TIAL1: variants seen among roughly 807,000 people sequenced by gnomAD.
TIAL1 encodes TIA1 cytotoxic granule associated RNA binding protein like 1, also known as nucleolysin TIAR.
Under a neutral mutation model 59.7 loss-of-function variants are expected in TIAL1, and 7 were observed. The observed-to-expected ratio is 0.12, with a 90% CI of 0.07 to 0.22. The LOEUF is 0.22. Ranked by LOEUF, TIAL1 falls within the 10% of genes least tolerant of loss-of-function variation. The probability of loss-of-function intolerance (pLI) is 1.00; values close to 1 mark genes in which losing one functional copy is unlikely to be tolerated. For synonymous variants in TIAL1, 149 were observed against 146.3 expected (o/e 1.02, Z -0.13); for missense variants, 225 against 462.5 (o/e 0.49, Z 4.71).
At chr10:119,594,963 G>A (rs1278237639) in intron 1 of TIAL1, among the ~76,000 whole-genome samples, 2 of 152,136 alleles carry the variant, frequency 1.3e-5, no homozygotes, top group Non-Finnish European at 2.9e-5. Flanking sequence ...CTTTCTTCTA[G>A]GGAGAGAAGG....
intron 1 of TIAL1, chr10:119,593,584 G>A: frequency 2.4e-5 from 18 of 747,452 alleles, no homozygotes; most frequent in Non-Finnish European, 2.9e-5. Context: ...GCTTTGTTAA[G>A]AACACATTCT....
chr10:119,583,594 T>C (rs1001888336), intron 2 of TIAL1, among the ~76,000 whole-genome samples: 10 of 152,208 alleles, frequency 6.6e-5, no homozygotes, highest in African/African-American at 2.4e-4. Flanking sequence ...ATTTAAAATG[T>C]GGAATTCTAG....
At chr10:119,590,579 G>A (rs944659298) in intron 1 of TIAL1, among the ~76,000 whole-genome samples, 6 of 152,022 alleles carry the variant, frequency 3.9e-5, no homozygotes, top group East Asian at 3.9e-4. Context: ...GCATGGTGGC[G>A]CGCACCTATA....
chr10:119,582,650 A>C lies in TIAL1; in HGVS notation c.130-93T>G. The C allele has an allele frequency of 1.3e-6, 2 of 1,567,640 alleles. No individual in the cohort carries two copies. ...GGAAAAAACATTACTGATAGCTGGG[A>C]ATATACAAGGTGAGACTGCATAAGC... On this transcript the variant is annotated intron_variant, in intron 2 of 11. Transcript: ENST00000436547. This position sits in a 1 kb window ranked among gnomAD's most constrained non-coding sequence, Gnocchi z 5.1.
chr10:119,577,245 A>G (rs554012354), intron 9 of TIAL1, 42 bp from the exon 10 acceptor site: 22 of 1,567,870 alleles, frequency 1.4e-5, no homozygotes, highest in Non-Finnish European at 1.9e-5. Context: ...TTATTTTTTA[A>G]GAACCTAACA....
At chr10:119,581,819 A>C in intron 5 of TIAL1, 103 bp downstream of exon 5, 3 of 903,280 alleles carry the variant, frequency 3.3e-6, no homozygotes, top group South Asian at 1.8e-5. Context: ...GAAACAAAAC[A>C]AAACCATACT....
intron 1 of TIAL1, among the ~76,000 whole-genome samples, chr10:119,592,852 C>T (rs1589886527): frequency 6.6e-6 from 1 of 152,182 alleles, no homozygotes; most frequent in East Asian, 1.9e-4. Flanking sequence ...GAATGAGGGG[C>T]TTGATTATAG....
At chr10:119,587,976 T>C (rs1250492882) in intron 2 of TIAL1, among the ~76,000 whole-genome samples, 176 bp downstream of exon 2, 1 of 152,226 alleles carries the variant, frequency 6.6e-6, no homozygotes, top group South Asian at 2.1e-4. Flanking sequence ...ACGGAAACTT[T>C]GCCCTCTTAA....
chr10:119,594,254 A>G (rs1052579163), intron 1 of TIAL1, among the ~76,000 whole-genome samples: 2 of 152,246 alleles, frequency 1.3e-5, no homozygotes, highest in Non-Finnish European at 2.9e-5. Context: ...ACAAGAGATT[A>G]GAGAAGGTAG....
chr10:119,596,468 T>C lies in TIAL1; in HGVS notation c.-3A>G. 1 of 1,290,482 alleles carries C rather than the reference T, an allele frequency of 7.7e-7. No individual in the cohort carries two copies. The highest frequency in any genetic ancestry group is 1.0e-6 in the Non-Finnish European group (1 of 993,610). 79.9% of individuals were successfully genotyped at this position (1,290,482 alleles called of 1,614,324 possible). On this transcript the variant is annotated 5_prime_UTR_variant, in exon 1 of 12. Transcript: ENST00000436547. The stretch of plus-strand genomic sequence containing the variant: ...GGCTGCCCGTCGTCTTCCATCATGG[T>C]GGGTGCGACGGAGCGATCCCGGGAC...
intron 1 of TIAL1, among the ~76,000 whole-genome samples, chr10:119,594,578 T>C (rs146696189): frequency 1.3e-4 from 20 of 152,284 alleles, no homozygotes; most frequent in Admixed American, 3.9e-4. Context: ...AAAGTACACA[T>C]TGTAACTCAA....
chr10:119,576,886 G>GTT (rs1845020461), intron 10 of TIAL1, 136 bp from the exon 11 acceptor site: 1 of 1,373,490 alleles, frequency 7.3e-7, no homozygotes. Context: ...CATTGTCTAA[G>GTT]TTTATTGGGG....
rs1846226976 is a variant in TIAL1 at position 119,596,783 on chromosome 10, A to G, written c.-318T>C. On this transcript the variant is annotated 5_prime_UTR_variant, in exon 1 of 12. Transcript: ENST00000436547. ...CTGCAAGGGGGACGACCGAGGGGAG[A>G]GAAAAAAGGGCCGCCGAGGAAACCC... 1 of 417,700 alleles carries G rather than the reference A, an allele frequency of 2.4e-6. No homozygotes were observed. Among genetic ancestry groups the G allele is most frequent in the Non-Finnish European group, 4.4e-6 (1 of 229,750 alleles). 25.9% of individuals were successfully genotyped at this position (417,700 alleles called of 1,614,324 possible).
Position 119,579,798 on chromosome 10 carries a change from T to A in TIAL1, c.447+137A>T, listed in dbSNP as rs1453895539. 9.1e-5 allele frequency: 54 copies of A among 595,846 alleles called. No individual in the cohort carries two copies. The Admixed American group carries it at 2.0e-3, about 22-fold the overall frequency. 36.9% of individuals were successfully genotyped at this position (595,846 alleles called of 1,614,324 possible). A position where few individuals can be genotyped will look rare whatever the true frequency, so the allele number is the denominator to read the frequency against. On this transcript the variant is annotated intron_variant, in intron 6 of 11. Transcript: ENST00000436547. ...GAGGAATGAAATTATACTCTATTAT[T>A]AAAACATACATAACATTACATAAAA...
chr10:119,583,825 C>T (rs976395422), intron 2 of TIAL1, among the ~76,000 whole-genome samples: 1 of 152,094 alleles, frequency 6.6e-6, no homozygotes. Flanking sequence ...GTTGTAGCCA[C>T]GTGAATGCTG....
At chr10:119,592,760 TTC>T (rs934469455) in intron 1 of TIAL1, among the ~76,000 whole-genome samples, 3 of 115,288 alleles carry the variant, frequency 2.6e-5, no homozygotes, top group South Asian at 3.7e-4. Context: ...ATATGAGATA[TTC>T]TCACACACAC....
chr10:119,573,619 T>TA lies in TIAL1; in HGVS notation c.*2045dup, dbSNP rs558082800. Reference sequence around the variant, plus strand: ...AGGCATACTAAGCATTTTTATCAATTAAAAAAAGTCTTCAGTTGTTCAAGT... The same window carrying TA: ...AGGCATACTAAGCATTTTTATCAATTAAAAAAAAGTCTTCAGTTGTTCAAGT... On this transcript the variant is annotated 3_prime_UTR_variant, in exon 12 of 12. Coordinates refer to ENST00000436547, the MANE Select transcript of TIAL1 (RefSeq NM_003252.4). 6.6e-6 allele frequency: 1 copy of TA among 152,510 alleles called. No individual in the cohort carries two copies. The highest frequency in any genetic ancestry group is 2.4e-5 in the African/African-American group (1 of 41,400). 9.4% of individuals were successfully genotyped at this position (152,510 alleles called of 1,614,324 possible). A position where few individuals can be genotyped will look rare whatever the true frequency, so the allele number is the denominator to read the frequency against.
chr10:119,592,873 G>C (rs1845958250), intron 1 of TIAL1, among the ~76,000 whole-genome samples: 1 of 152,038 alleles, frequency 6.6e-6, no homozygotes, highest in African/African-American at 2.4e-5. Context: ...CCACAGTATA[G>C]CCAAATCCAT....
chr10:119,590,648 T>C (rs985137164), intron 1 of TIAL1, among the ~76,000 whole-genome samples: 1 of 151,924 alleles, frequency 6.6e-6, no homozygotes, highest in African/African-American at 2.4e-5. Flanking sequence ...AGGCAGAGGT[T>C]GCAGTGAGCC....
Sources: allele counts gnomAD v4.1 joint callset (sites outside exome capture counted in the v4.1 genomes callset), GRCh38; gene constraint gnomAD v4.1.1; non-coding constraint Gnocchi (gnomAD v3.1); transcripts MANE v1.5; gene names NCBI Gene and HGNC (gene_info 2026-07-23, HGNC 2026-07-21).